The following TRPM3 variants were observed in gnomAD, a reference collection of about 807,000 sequenced individuals.
TRPM3 encodes long transient receptor potential channel 3.
In TRPM3, 77 loss-of-function variants were observed where a neutral mutation model predicts 181.2. The ratio of observed to expected loss-of-function variants is 0.42; its 90% confidence interval spans 0.35 to 0.51. The LOEUF is 0.51. TRPM3 is among the 20% of genes least tolerant of loss of function. TRPM3 has a pLI of 0.01. For synonymous variants in TRPM3, 745 were observed against 796.4 expected (o/e 0.94, Z 1.09); for missense variants, 1,759 against 2,196.7 (o/e 0.80, Z 3.98).
At chr9:70,884,069 G>A (rs146091614) in intron 1 of TRPM3, among the ~76,000 whole-genome samples, 2 of 152,192 alleles carry the variant, frequency 1.3e-5, no homozygotes, top group East Asian at 3.9e-4. Context: ...TTCATCTAAG[G>A]GAATTTCATT....
In TRPM3 at chr9:71,259,786, T is replaced by C. The variant is rs56209064; in HGVS notation, c.183+186867A>G. On this transcript the variant is annotated intron_variant, in intron 1 of 24. Coordinates refer to the TRPM3 transcript ENST00000357533. Reference sequence around the variant, plus strand: ...TTTAAGTTCTTGTAGATTCTGGATATTAGCCCTTTGCCAGAAGGTTTGCAA... The same window carrying C: ...TTTAAGTTCTTGTAGATTCTGGATACTAGCCCTTTGCCAGAAGGTTTGCAA... Among the ~76,000 whole-genome samples, 1,016 of 152,304 alleles carry C rather than the reference T, an allele frequency of 6.7e-3. 15 individuals are homozygous for C. The highest frequency in any genetic ancestry group is 0.023 in the African/African-American group (966 of 41,562).
intron 1 of TRPM3, among the ~76,000 whole-genome samples, chr9:70,967,369 G>A (rs2097195831): frequency 6.6e-6 from 1 of 150,882 alleles, no homozygotes; most frequent in Non-Finnish European, 1.5e-5. Context: ...GAATTTGGAT[G>A]GTAAGACATA....
intron 1 of TRPM3, among the ~76,000 whole-genome samples, chr9:71,413,016 C>A (rs1334605171): frequency 6.6e-6 from 1 of 152,102 alleles, no homozygotes. Context: ...CCAAACACCG[C>A]ATGTTCTCAC....
At chr9:71,188,161 T>C (rs1201471522) in intron 1 of TRPM3, among the ~76,000 whole-genome samples, 1 of 151,794 alleles carries the variant, frequency 6.6e-6, no homozygotes, top group Non-Finnish European at 1.5e-5. Flanking sequence ...AATAACACTT[T>C]TGCTTATGTT....
At chr9:70,892,182 A>G (rs565884405) in intron 1 of TRPM3, among the ~76,000 whole-genome samples, 20 of 152,338 alleles carry the variant, frequency 1.3e-4, no homozygotes, top group Middle Eastern at 3.4e-3. Context: ...TTGGAAGACT[A>G]TATAGAGAAA....
intron 7 of TRPM3, among the ~76,000 whole-genome samples, chr9:70,773,570 A>G (rs527318666): frequency 6.6e-6 from 1 of 152,296 alleles, no homozygotes; most frequent in South Asian, 2.1e-4. Flanking sequence ...AAACACTGGG[A>G]CAAATATAAG....
At chr9:71,074,872 T>G (rs527238626) in intron 1 of TRPM3, among the ~76,000 whole-genome samples, 1 of 152,034 alleles carries the variant, frequency 6.6e-6, no homozygotes, top group African/African-American at 2.4e-5. Context: ...TAACCCTTTT[T>G]AAGGAGAAAA....
At chr9:70,985,579 G>A (rs1336388178) in intron 1 of TRPM3, among the ~76,000 whole-genome samples, 1 of 152,106 alleles carries the variant, frequency 6.6e-6, no homozygotes, top group Admixed American at 6.6e-5. Context: ...TAAATGCTGT[G>A]TTTCTTTTTT....
chr9:71,031,969 A>AT (rs2057372530), intron 1 of TRPM3, among the ~76,000 whole-genome samples: 3 of 148 alleles, frequency 0.02, no homozygotes, highest in Admixed American at 0.33. Flanking sequence ...TTATATATAT[A>AT]TATTATATAT....
In TRPM3 at chr9:71,362,688, C is replaced by A. The variant is rs114960555; in HGVS notation, c.183+83965G>T. ...TACAGGTAAACCTTCTGAACATAAG[C>A]GATAACAATTTTTGTAACTTGTAAT... On this transcript the variant is annotated intron_variant, in intron 1 of 24. Transcript: ENST00000357533. Among the ~76,000 whole-genome samples, 751 of 152,176 alleles carry A rather than the reference C, an allele frequency of 4.9e-3. 3 individuals are homozygous for A. Among genetic ancestry groups the A allele is most frequent in the African/African-American group, 0.015 (621 of 41,496 alleles).
At chr9:71,364,789 G>C (rs1417648394) in intron 1 of TRPM3, among the ~76,000 whole-genome samples, 2 of 152,186 alleles carry the variant, frequency 1.3e-5, no homozygotes, top group Admixed American at 6.5e-5. Context: ...TAATGACAGA[G>C]AAGTCTACAA....
At chr9:71,148,941 G>T (rs1927939) in intron 1 of TRPM3, among the ~76,000 whole-genome samples, 95,997 of 151,686 alleles carry the variant, frequency 0.63, 32,666 homozygotes, top group East Asian at 0.8. Flanking sequence ...AGTGACTGTA[G>T]GCTGATAGCC....
chr9:71,258,935 T>A (rs1356746923), intron 1 of TRPM3, among the ~76,000 whole-genome samples: 1 of 152,218 alleles, frequency 6.6e-6, no homozygotes, highest in Non-Finnish European at 1.5e-5. Context: ...GGGATACATG[T>A]GCAGAACATG....
intron 7 of TRPM3, among the ~76,000 whole-genome samples, chr9:70,766,211 A>C (rs534157403): frequency 1.3e-5 from 2 of 152,194 alleles, no homozygotes; most frequent in Non-Finnish European, 2.9e-5. Flanking sequence ...GCCAGTGCTC[A>C]GGGTAACCAT....
chr9:71,431,179 C>A (rs372624387), intron 1 of TRPM3, among the ~76,000 whole-genome samples: 1 of 151,684 alleles, frequency 6.6e-6, no homozygotes, highest in Non-Finnish European at 1.5e-5. Flanking sequence ...AGATATCTCA[C>A]ACACACACAC....
Position 70,792,475 on chromosome 9 carries a change from G to A in TRPM3, c.974-8196C>T, listed in dbSNP as rs181897410. Among the ~76,000 whole-genome samples, 513 of 151,726 alleles carry A rather than the reference G, an allele frequency of 3.4e-3. 5 individuals carry two copies. The highest frequency in any genetic ancestry group is 0.012 in the African/African-American group (483 of 41,374). On this transcript the variant is annotated intron_variant, in intron 6 of 25. Transcript: ENST00000677713. ...AAGGAGAGAGAGAGGGGAGAGAAAAGAGAAAGAATCTATGAAAGAGAGGGA... is the reference window on the plus strand; with the variant it reads ...AAGGAGAGAGAGAGGGGAGAGAAAAAAGAAAGAATCTATGAAAGAGAGGGA...
chr9:70,898,155 C>T (rs1339548583), intron 1 of TRPM3, among the ~76,000 whole-genome samples: 1 of 151,234 alleles, frequency 6.6e-6, no homozygotes, highest in Non-Finnish European at 1.5e-5. Flanking sequence ...CGGAGTCTGG[C>T]TCTGTCGCCC....
intron 14 of TRPM3, among the ~76,000 whole-genome samples, chr9:70,624,415 C>T (rs545038870): frequency 6.6e-6 from 1 of 152,264 alleles, no homozygotes; most frequent in Admixed American, 6.5e-5. Flanking sequence ...CCTGCCTCAG[C>T]CCCCTTAGTA....
chr9:71,396,301 C>CG (rs1554890503), intron 1 of TRPM3, among the ~76,000 whole-genome samples: 4 of 33,148 alleles, frequency 1.2e-4, no homozygotes. Context: ...AGTGCTATTG[C>CG]TAAAAAAAAA....
Sources: gnomAD v4.1 joint callset for allele counts (sites outside exome capture counted in the v4.1 genomes callset) on GRCh38, gnomAD v4.1.1 for gene constraint, MANE v1.5 for transcripts, NCBI Gene and HGNC (gene_info 2026-07-23, HGNC 2026-07-21) for gene names.